Variants in PDE4B observed in about 807,000 individuals in gnomAD.
The protein encoded by PDE4B is phosphodiesterase 4B.
In PDE4B, 20 loss-of-function variants were observed where a neutral mutation model predicts 82.2. That is an observed-to-expected ratio of 0.24 (90% CI 0.17 to 0.35). The LOEUF (loss-of-function observed/expected upper bound fraction) is 0.35. Among genes scored for constraint, PDE4B ranks in the 10% least tolerant of loss-of-function variants. PDE4B has a pLI of 1.00. For synonymous variants in PDE4B, 320 were observed against 318.9 expected (o/e 1.00, Z -0.04); for missense variants, 655 against 907.2 (o/e 0.72, Z 3.57).
intron 3 of PDE4B, among the ~76,000 whole-genome samples, chr1:65,927,524 A>C (rs897589848): frequency 6.8e-6 from 1 of 147,584 alleles, no homozygotes; most frequent in African/African-American, 2.5e-5. Flanking sequence ...AAATATATAT[A>C]ATATATATTA....
chr1:65,805,463 G>A (rs1645744506), intron 1 of PDE4B, among the ~76,000 whole-genome samples: 1 of 152,144 alleles, frequency 6.6e-6, no homozygotes, highest in Non-Finnish European at 1.5e-5. Context: ...TTTTATCTAA[G>A]CTGTGTGTCT....
chr1:66,021,329 C>T (rs964886517), intron 3 of PDE4B, among the ~76,000 whole-genome samples: 13 of 152,122 alleles, frequency 8.5e-5, no homozygotes, highest in African/African-American at 1.2e-4. Context: ...AATTAGATCC[C>T]GTTTGTCAAT....
chr1:66,088,698 G>A (rs1193288826), intron 3 of PDE4B, among the ~76,000 whole-genome samples: 1 of 151,898 alleles, frequency 6.6e-6, no homozygotes. Context: ...TCAGAACTTG[G>A]GCTTCAGAGC....
intron 1 of PDE4B, among the ~76,000 whole-genome samples, chr1:65,897,000 G>A (rs1468769885): frequency 6.6e-6 from 1 of 152,146 alleles, no homozygotes; most frequent in Non-Finnish European, 1.5e-5. Flanking sequence ...AGACTTAACT[G>A]AAATGGTGGG....
chr1:66,065,090 G>A (rs1313732991), intron 3 of PDE4B, among the ~76,000 whole-genome samples: 1 of 151,686 alleles, frequency 6.6e-6, no homozygotes, highest in African/African-American at 2.4e-5. Flanking sequence ...TTAAATCAAA[G>A]GCCAGAATTT....
In PDE4B at chr1:66,365,714, C is replaced by T. The variant is rs1663192464; in HGVS notation, c.1332C>T (p.Ala444=). 2 of 1,609,580 alleles carry T rather than the reference C, an allele frequency of 1.2e-6. No individual in the cohort carries two copies. The highest frequency in any genetic ancestry group is 4.5e-5 in the East Asian group (2 of 44,790). Residue 444 remains alanine (A), a synonymous_variant, in exon 13 of 17, where the codon GCC becomes GCT. Transcript: ENST00000341517. The stretch of plus-strand genomic sequence containing the variant: ...TCCTGGCTGCCATTTTTGCAGCTGC[C>T]ATCCATGACGTTGATCATCCTGGAG... ...LEILAAIFAA[A]IHDVDHPGVS...
chr1:66,328,912 AC>A (rs1460374753), intron 7 of PDE4B, among the ~76,000 whole-genome samples: 2 of 152,196 alleles, frequency 1.3e-5, no homozygotes, highest in Non-Finnish European at 2.9e-5. Context: ...TGTTTCAGGT[AC>A]CCAGCATGTC....
chr1:66,038,461 T>C (rs1303439949), intron 3 of PDE4B, among the ~76,000 whole-genome samples: 1 of 152,024 alleles, frequency 6.6e-6, no homozygotes, highest in Non-Finnish European at 1.5e-5. Flanking sequence ...GAAGAGAACA[T>C]CCTTTCTGTT....
chr1:65,996,712 T>C (rs1009483614), intron 3 of PDE4B, among the ~76,000 whole-genome samples: 4 of 152,082 alleles, frequency 2.6e-5, no homozygotes, highest in African/African-American at 9.7e-5. Context: ...TTATTTTGAC[T>C]CTGAATCACT....
In PDE4B at chr1:66,374,155, A is replaced by G. The variant is rs1036734100; in HGVS notation, c.*1477A>G. The G allele has an allele frequency of 6.6e-6, 1 of 152,612 alleles. No individual in the cohort carries two copies. Among genetic ancestry groups the G allele is most frequent in the Non-Finnish European group, 1.5e-5 (1 of 68,026 alleles). The allele number at this position is 152,612 out of a possible 1,614,324, so 9.5% of individuals were successfully genotyped here. On this transcript the variant is annotated 3_prime_UTR_variant, in exon 17 of 17. Coordinates refer to ENST00000341517, the MANE Select transcript of PDE4B (RefSeq NM_002600.4). ...TGATTCTTCTGAATGCTCCCGAACT[A>G]CTGACTTTGAAGAGGTAGCCTCCTG...
chr1:65,996,435 G>A (rs1365632709), intron 3 of PDE4B, among the ~76,000 whole-genome samples: 19 of 151,930 alleles, frequency 1.3e-4, no homozygotes, highest in African/African-American at 2.7e-4. Context: ...TGGTGCCAGC[G>A]TTTTCTTTTT....
At chr1:66,231,372 T>G (rs991898078) in intron 3 of PDE4B, among the ~76,000 whole-genome samples, 4 of 152,224 alleles carry the variant, frequency 2.6e-5, no homozygotes, top group African/African-American at 9.6e-5. Context: ...CTCAAACTGA[T>G]GTTTTGATTC....
At chr1:66,026,966 A>G (rs2100785010) in intron 3 of PDE4B, among the ~76,000 whole-genome samples, 1 of 152,320 alleles carries the variant, frequency 6.6e-6, no homozygotes, top group African/African-American at 2.4e-5. Flanking sequence ...ACAGCTGCAA[A>G]CTAAGATTTG....
chr1:65,930,410 A>T (rs1261743618), intron 3 of PDE4B, among the ~76,000 whole-genome samples: 2 of 152,204 alleles, frequency 1.3e-5, no homozygotes, highest in African/African-American at 4.8e-5. Context: ...AGAATGATAG[A>T]TCCACTGGCA....
intron 3 of PDE4B, among the ~76,000 whole-genome samples, chr1:66,120,750 C>T (rs1343662653): frequency 6.6e-6 from 1 of 152,114 alleles, no homozygotes; most frequent in African/African-American, 2.4e-5. Context: ...CTCTACCCCT[C>T]TCTATTTTTC....
At chr1:65,891,015 G>A (rs1646847051) in intron 1 of PDE4B, among the ~76,000 whole-genome samples, 1 of 151,994 alleles carries the variant, frequency 6.6e-6, no homozygotes, top group Non-Finnish European at 1.5e-5. Context: ...TTGTTTCATA[G>A]GTGAAATGGG....
chr1:65,819,709 C>T (rs1645931008), intron 1 of PDE4B, among the ~76,000 whole-genome samples: 1 of 152,032 alleles, frequency 6.6e-6, no homozygotes, highest in African/African-American at 2.4e-5. Flanking sequence ...CCGTGTTAGC[C>T]AGGATGGTCT....
intron 1 of PDE4B, among the ~76,000 whole-genome samples, chr1:65,824,646 CA>C (rs1645993894): frequency 6.7e-6 from 1 of 149,364 alleles, no homozygotes; most frequent in African/African-American, 2.5e-5. Flanking sequence ...TATATATATA[CA>C]AATATATACA....
chr1:66,122,921 G>A (rs982070972), intron 3 of PDE4B, among the ~76,000 whole-genome samples: 4 of 151,712 alleles, frequency 2.6e-5, no homozygotes, highest in African/African-American at 9.7e-5. Context: ...GGCCAGGCTC[G>A]TCTTGAACTC....
Sources: gnomAD v4.1 joint callset for allele counts (sites outside exome capture counted in the v4.1 genomes callset) on GRCh38, gnomAD v4.1.1 for gene constraint, MANE v1.5 for transcripts, NCBI Gene and HGNC (gene_info 2026-07-23, HGNC 2026-07-21) for gene names.